Variants in LGSN observed in about 807,000 individuals in gnomAD.
LGSN encodes the protein lengsin.
In LGSN, 21 loss-of-function variants were observed where a neutral mutation model predicts 19.5. The ratio of observed to expected loss-of-function variants is 1.07; its 90% confidence interval spans 0.76 to 1.55. The LOEUF (loss-of-function observed/expected upper bound fraction) is 1.55, where lower values mean the gene tolerates loss of function less well. Ranked by LOEUF, LGSN falls within the 40% of genes most tolerant of loss-of-function variation. The pLI is 0.00. For synonymous variants in LGSN, 257 were observed against 215.6 expected (o/e 1.19, Z -1.68); for missense variants, 673 against 608.5 (o/e 1.11, Z -1.12).
At chr6:63,312,178 T>C (rs1356674572) in intron 1 of LGSN, among the ~76,000 whole-genome samples, 1 of 152,206 alleles carries the variant, frequency 6.6e-6, no homozygotes, top group Non-Finnish European at 1.5e-5. Context: ...TATATATCAC[T>C]TTTTCTTTAT....
the LGSN span, among the ~76,000 whole-genome samples, chr6:63,531,370 T>G: frequency 6.7e-6 from 1 of 148,744 alleles, no homozygotes; most frequent in African/African-American, 2.5e-5. Context: ...AATAAAAAAT[T>G]TATTCCAAAA....
At chr6:63,455,930 T>A in the LGSN span, among the ~76,000 whole-genome samples, 1 of 150,754 alleles carries the variant, frequency 6.6e-6, no homozygotes, top group African/African-American at 2.4e-5. Context: ...AAATTAACTT[T>A]TGATTATTAA....
rs769857063 is a variant in LGSN, at chr6:63,280,653, C to T, written c.898G>A (p.Ala300Thr). The change falls in exon 4 of 4, where the codon GCC becomes ACC. Residue 300 changes from alanine to threonine, a missense_variant. Transcript: ENST00000370657. Reference sequence around the variant, plus strand: ...AATCCAGTCTCAATGAAGAAGCTGGCAATGTAATTATATTTCCTTGCCACT... The same window carrying T: ...AATCCAGTCTCAATGAAGAAGCTGGTAATGTAATTATATTTCCTTGCCACT... ...KEVARKYNYI[A>T]SFFIETGFCD... is the part of the protein sequence containing the mutation. 3.1e-6 allele frequency: 5 copies of T among 1,613,942 alleles called. No homozygotes were observed. In the African/African-American group the frequency reaches 6.7e-5, roughly 22 times the overall value.
At chr6:63,432,692 GA>G in the LGSN span, among the ~76,000 whole-genome samples, 93 of 135,960 alleles carry the variant, frequency 6.8e-4, no homozygotes, top group Middle Eastern at 0.012. Context: ...ACTCTGTCTC[GA>G]AAAAAAAAAA....
the LGSN span, chr6:63,527,827 T>A: frequency 1.6e-4 from 24 of 152,268 alleles, no homozygotes; most frequent in Middle Eastern, 3.4e-3. Flanking sequence ...AGAGACTTGC[T>A]TCAACACCAG....
At chr6:63,291,778 C>A (rs1479919759) in intron 2 of LGSN, among the ~76,000 whole-genome samples, 1 of 152,156 alleles carries the variant, frequency 6.6e-6, no homozygotes, top group African/African-American at 2.4e-5. Flanking sequence ...GGCAGAATAA[C>A]CCCTCGAAAA....
chr6:63,466,175 C>G, the LGSN span, among the ~76,000 whole-genome samples: 47 of 152,356 alleles, frequency 3.1e-4, no homozygotes, highest in East Asian at 8.5e-3. Flanking sequence ...ACTGGAATTA[C>G]AGGCATTAGC....
chr6:63,280,482 A>G lies in LGSN; in HGVS notation c.1069T>C (p.Cys357Arg), dbSNP rs556357153. 1.2e-6 allele frequency: 2 copies of G among 1,614,148 alleles called. No individual in the cohort carries two copies. Among genetic ancestry groups the G allele is most frequent in the Admixed American group, 3.3e-5 (2 of 60,028 alleles). Residue 357 changes from cysteine (C) to arginine (R), a missense_variant, in exon 4 of 4, where the codon TGC becomes CGC. By Grantham distance (180) the Cys-to-Arg change is radical. Coordinates refer to ENST00000370657, the MANE Select transcript of LGSN (RefSeq NM_016571.3). Reference sequence around the variant, plus strand: ...CAGCTAACAGAAGGCGCCATCAGGCAGCTGAGCGCAGCAGAGTGCTTCAAG... The same window carrying G: ...CAGCTAACAGAAGGCGCCATCAGGCGGCTGAGCGCAGCAGAGTGCTTCAAG... Reference protein sequence around the residue: ...GLLKHSAALSCLMAPSVSCRK... With the variant: ...GLLKHSAALSRLMAPSVSCRK...
At chr6:63,432,188 GA>G in the LGSN span, among the ~76,000 whole-genome samples, 176 of 31,826 alleles carry the variant, frequency 5.5e-3, 7 homozygotes, top group African/African-American at 0.024. Flanking sequence ...AGAAAGAAAA[GA>G]AAAGAAAAGA....
the LGSN span, among the ~76,000 whole-genome samples, chr6:63,415,377 G>T: frequency 6.6e-6 from 1 of 152,098 alleles, no homozygotes; most frequent in Non-Finnish European, 1.5e-5. Context: ...AAGGAAAAAA[G>T]TTTAATTGAC....
At chr6:63,529,187 G>A in the LGSN span, among the ~76,000 whole-genome samples, 4 of 145,320 alleles carry the variant, frequency 2.8e-5, no homozygotes, top group Admixed American at 2.1e-4. Flanking sequence ...GTATATATAT[G>A]TGTGTATATA....
chr6:63,281,330 T>TATATATATATATATATATAA (rs1360072081), intron 3 of LGSN, 110 bp from the exon 4 acceptor site: 3 of 149,520 alleles, frequency 2.0e-5, no homozygotes, highest in African/African-American at 5.5e-5. Context: ...TATATATATA[T>TATATATATATATATATATAA]AATAAATATA....
the LGSN span, among the ~76,000 whole-genome samples, chr6:63,345,270 T>TAGTAAA: frequency 6.6e-6 from 1 of 152,214 alleles, no homozygotes; most frequent in Admixed American, 6.5e-5. Flanking sequence ...GTGGTTTCTT[T>TAGTAAA]TTTATTTCTT....
the LGSN span, among the ~76,000 whole-genome samples, chr6:63,327,041 C>A: frequency 6.6e-5 from 10 of 152,188 alleles, no homozygotes; most frequent in Non-Finnish European, 1.0e-4. Context: ...ACAGGACACC[C>A]TAACTGCTGT....
At chr6:63,448,962 A>G in the LGSN span, among the ~76,000 whole-genome samples, 1 of 152,224 alleles carries the variant, frequency 6.6e-6, no homozygotes, top group South Asian at 2.1e-4. Context: ...AACTATTTGT[A>G]TAGCATTTTA....
At chr6:63,455,272 C>A in the LGSN span, among the ~76,000 whole-genome samples, 2 of 152,242 alleles carry the variant, frequency 1.3e-5, no homozygotes, top group Non-Finnish European at 2.9e-5. Flanking sequence ...TCCTCCCACA[C>A]CAGCACCCAT....
the LGSN span, among the ~76,000 whole-genome samples, chr6:63,383,371 T>TACACACACAC: frequency 2.9e-5 from 4 of 139,302 alleles, no homozygotes; most frequent in South Asian, 2.3e-4. Context: ...AACCATTACT[T>TACACACACAC]ACACACACAC....
the LGSN span, among the ~76,000 whole-genome samples, chr6:63,369,787 T>C: frequency 5.1e-4 from 77 of 152,224 alleles, no homozygotes; most frequent in African/African-American, 1.8e-3. Flanking sequence ...TTGGGAGGCC[T>C]GAGCTCAGGA....
chr6:63,538,669 T>C, the LGSN span, among the ~76,000 whole-genome samples: 1 of 152,168 alleles, frequency 6.6e-6, no homozygotes, highest in African/African-American at 2.4e-5. Context: ...TAAGATAGCA[T>C]GAAAATGTGC....
Sources: gnomAD v4.1 joint callset for allele counts (sites outside exome capture counted in the v4.1 genomes callset) on GRCh38, gnomAD v4.1.1 for gene constraint, MANE v1.5 for transcripts, NCBI Gene and HGNC (gene_info 2026-07-23, HGNC 2026-07-21) for gene names.